Variants in PKP4 observed in about 807,000 individuals in gnomAD.
PKP4 encodes the protein plakophilin 4.
A neutral mutation model predicts 145.1 loss-of-function variants in PKP4; 90 were observed. The observed-to-expected ratio is 0.62, with a 90% CI of 0.52 to 0.74. The LOEUF (loss-of-function observed/expected upper bound fraction) is 0.74, where lower values mean the gene tolerates loss of function less well. PKP4 is among the 30% of genes least tolerant of loss of function. The pLI, the probability that PKP4 is intolerant of heterozygous loss-of-function variation, is 0.00. For missense variants in PKP4, 1,340 were observed against 1,482.7 expected, an observed-to-expected ratio of 0.90 and a Z score of 1.58; for synonymous variants, 563 against 577.2, an observed-to-expected ratio of 0.98 and a Z score of 0.35.
chr2:158,641,965 T>C (rs1466308403), intron 10 of PKP4, among the ~76,000 whole-genome samples: 3 of 151,962 alleles, frequency 2.0e-5, no homozygotes, highest in African/African-American at 7.3e-5. Context: ...TATCTTTTTT[T>C]GAAGCCATGA....
intron 7 of PKP4, among the ~76,000 whole-genome samples, chr2:158,627,341 C>A (rs184577777): frequency 6.6e-6 from 1 of 152,182 alleles, no homozygotes; most frequent in Non-Finnish European, 1.5e-5. Context: ...AGGAAGGAAG[C>A]CAGCATATAA....
chr2:158,661,501 C>A, intron 13 of PKP4, 51 bp downstream of exon 13: 2 of 1,128,228 alleles, frequency 1.8e-6, no homozygotes, highest in Non-Finnish European at 2.7e-6. Context: ...GACCATGATG[C>A]CTGGTGCCAC....
chr2:158,489,104 C>A (rs566410359), intron 1 of PKP4, among the ~76,000 whole-genome samples: 1 of 152,116 alleles, frequency 6.6e-6, no homozygotes. Flanking sequence ...CAATATTTTA[C>A]ATTTTGATAA....
intron 1 of PKP4, among the ~76,000 whole-genome samples, chr2:158,532,222 ATATT>A (rs996143244): frequency 2.6e-5 from 4 of 152,214 alleles, no homozygotes; most frequent in African/African-American, 9.6e-5. Flanking sequence ...GTTGAGAAAA[ATATT>A]TATAGTCTCA....
At chr2:158,534,073 T>C (rs16843012) in intron 2 of PKP4, among the ~76,000 whole-genome samples, 7,001 of 152,240 alleles carry the variant, frequency 0.046, 400 homozygotes, top group African/African-American at 0.14. Context: ...GTGAGGGTTA[T>C]TTTGTTGAAA....
At chr2:158,601,877 C>T (rs1051321040) in intron 3 of PKP4, among the ~76,000 whole-genome samples, 1 of 152,140 alleles carries the variant, frequency 6.6e-6, no homozygotes, top group Non-Finnish European at 1.5e-5. Context: ...AACTTAAAAT[C>T]TCAGAAATAT....
At chr2:158,561,380 A>G (rs2046500142) in intron 2 of PKP4, among the ~76,000 whole-genome samples, 1 of 152,252 alleles carries the variant, frequency 6.6e-6, no homozygotes, top group South Asian at 2.1e-4. Flanking sequence ...TAAAGCTCTC[A>G]CACACCTTAG....
intron 14 of PKP4, 42 bp downstream of exon 14, chr2:158,663,130 T>G (rs2056758710): frequency 6.5e-7 from 1 of 1,546,950 alleles, no homozygotes; most frequent in Admixed American, 2.0e-5. Context: ...GTTTAATTTT[T>G]CTGGGAGTGA....
At chr2:158,624,771 A>C in intron 6 of PKP4, 107 bp from the exon 7 acceptor site, 1 of 805,788 alleles carries the variant, frequency 1.2e-6, no homozygotes, top group Non-Finnish European at 1.9e-6. Context: ...AGATGCCTAA[A>C]ATAGTGGATT....
In PKP4 at chr2:158,640,777, T is replaced by C. The variant is rs1290219917; in HGVS notation, c.1695+18T>C. On this transcript the variant is annotated intron_variant, in intron 10 of 21. Coordinates refer to ENST00000389759, the MANE Select transcript of PKP4 (RefSeq NM_003628.6). Reference sequence around the variant, plus strand: ...AGATGGAGGTACAGGACATGGTGCCTGGGATGACTGGGGAAAATAATGCCT... The same window carrying C: ...AGATGGAGGTACAGGACATGGTGCCCGGGATGACTGGGGAAAATAATGCCT... 8.1e-6 allele frequency: 13 copies of C among 1,613,466 alleles called. No individual in the cohort carries two copies. Among genetic ancestry groups the C allele is most frequent in the Non-Finnish European group, 1.1e-5 (13 of 1,179,624 alleles).
chr2:158,565,435 C>CTTT (rs10690465), intron 2 of PKP4, among the ~76,000 whole-genome samples: 16,921 of 135,512 alleles, frequency 0.12, 1,392 homozygotes, highest in African/African-American at 0.24. Context: ...TTCTTTTTTC[C>CTTT]TTTTTTTTTT....
At chr2:158,582,137 A>G (rs1330291246) in intron 3 of PKP4, among the ~76,000 whole-genome samples, 5 of 152,184 alleles carry the variant, frequency 3.3e-5, no homozygotes, top group African/African-American at 9.7e-5. Context: ...CAAGTACACT[A>G]AAGTTATCTA....
At chr2:158,477,042 A>G (rs1405837019) in intron 1 of PKP4, among the ~76,000 whole-genome samples, 2 of 151,250 alleles carry the variant, frequency 1.3e-5, no homozygotes, top group Non-Finnish European at 3.0e-5. Context: ...ATGTTAATTC[A>G]TCCCTTAAAA....
intron 1 of PKP4, among the ~76,000 whole-genome samples, chr2:158,528,669 G>GAAACTTACTAAATGAA (rs2043208937): frequency 1.2e-5 from 1 of 86,016 alleles, no homozygotes. Context: ...CTTACTAAAT[G>GAAACTTACTAAATGAA]AAAAAAAAAA....
At chr2:158,481,115 G>A (rs935591081) in intron 1 of PKP4, among the ~76,000 whole-genome samples, 6 of 152,040 alleles carry the variant, frequency 3.9e-5, no homozygotes, top group Non-Finnish European at 8.8e-5. Context: ...ATTGAAATGA[G>A]GTCTCACTAT....
intron 1 of PKP4, among the ~76,000 whole-genome samples, chr2:158,493,207 G>A (rs76757235): frequency 0.19 from 29,583 of 151,784 alleles, 3,722 homozygotes; most frequent in Middle Eastern, 0.34. Flanking sequence ...GAGAATCTCT[G>A]CCTTATACCC....
intron 10 of PKP4, among the ~76,000 whole-genome samples, chr2:158,641,128 G>A (rs1475955479): frequency 3.3e-5 from 5 of 152,054 alleles, no homozygotes; most frequent in Admixed American, 6.6e-5. Context: ...CCTGAGGTCC[G>A]GAATTCAAGA....
intron 1 of PKP4, among the ~76,000 whole-genome samples, chr2:158,526,575 A>G (rs952881926): frequency 2.4e-5 from 2 of 83,724 alleles, no homozygotes; most frequent in African/African-American, 1.0e-4. Flanking sequence ...AAACTGGCAC[A>G]AGACAGGGAT....
At chr2:158,604,896 A>C (rs1000147195) in intron 4 of PKP4, among the ~76,000 whole-genome samples, 2 of 152,220 alleles carry the variant, frequency 1.3e-5, no homozygotes, top group African/African-American at 4.8e-5. Context: ...GGGACAACTG[A>C]GTTAGAGAAA....
Sources: allele counts gnomAD v4.1 joint callset (sites outside exome capture counted in the v4.1 genomes callset), GRCh38; gene constraint gnomAD v4.1.1; transcripts MANE v1.5; gene names NCBI Gene and HGNC (gene_info 2026-07-23, HGNC 2026-07-21).